Variants in EGFR observed in about 807,000 individuals in gnomAD.
EGFR encodes epidermal growth factor receptor, also known as avian erythroblastic leukemia viral (v-erb-b) oncogene homolog.
In EGFR, 58 loss-of-function variants were observed where a neutral mutation model predicts 143.0. The ratio of observed to expected loss-of-function variants is 0.41; its 90% CI spans 0.33 to 0.50. The LOEUF (loss-of-function observed/expected upper bound fraction) is 0.50. EGFR is among the 20% of genes least tolerant of loss of function. EGFR has a pLI of 0.39. For synonymous variants in EGFR, 613 were observed against 594.4 expected (o/e 1.03, Z -0.45); for missense variants, 1,307 against 1,579.0 (o/e 0.83, Z 2.92).
At chr7:55,064,597 C>T (rs144419643) in intron 1 of EGFR, among the ~76,000 whole-genome samples, 156 of 152,276 alleles carry the variant, frequency 1.0e-3, no homozygotes, top group African/African-American at 3.4e-3. Flanking sequence ...TCAGTCAGTG[C>T]GCATTTACTC....
In EGFR at chr7:55,157,447, G is replaced by C. The variant is rs13222549; in HGVS notation, c.1208-216G>C. 0.31 allele frequency among the ~76,000 whole-genome samples: 46,545 copies of C among 152,236 alleles called. 7,474 individuals are homozygous for C. Among genetic ancestry groups the C allele is most frequent in the Non-Finnish European group, 0.36 (24,579 of 68,002 alleles). Reference sequence around the variant, plus strand: ...GGGGCGGCGGGAGACATGCGGAATCGCAGCGGAAGGCGGGAGGCAGCTGTG... The same window carrying C: ...GGGGCGGCGGGAGACATGCGGAATCCCAGCGGAAGGCGGGAGGCAGCTGTG... On this transcript the variant is annotated intron_variant, in intron 10 of 27. Coordinates refer to ENST00000275493, the MANE Select transcript of EGFR (RefSeq NM_005228.5).
chr7:55,156,907 T>C (rs1785450011), intron 10 of EGFR, 75 bp downstream of exon 10: 2 of 1,604,896 alleles, frequency 1.2e-6, no homozygotes, highest in East Asian at 2.2e-5. Flanking sequence ...ACATATTTCC[T>C]GTTCCCTTGG....
Position 55,019,089 on chromosome 7 carries a change from G to C in EGFR, c.-189G>C. On this transcript the variant is annotated 5_prime_UTR_variant, in exon 1 of 28. Transcript: ENST00000275493. Reference sequence around the variant, plus strand: ...CCCCCGCACGGTGTGAGCGCCCGACGCGGCCGAGGCGGCCGGAGTCCCGAG... The same window carrying C: ...CCCCCGCACGGTGTGAGCGCCCGACCCGGCCGAGGCGGCCGGAGTCCCGAG... The C allele has an allele frequency of 6.4e-6, 2 of 312,894 alleles. No individual in the cohort carries two copies. The highest frequency in any genetic ancestry group is 1.1e-5 in the Non-Finnish European group (2 of 176,822). 19.4% of individuals were successfully genotyped at this position (312,894 alleles called of 1,614,324 possible).
intron 1 of EGFR, among the ~76,000 whole-genome samples, chr7:55,038,330 T>C (rs185538277): frequency 3.0e-4 from 46 of 152,248 alleles, no homozygotes; most frequent in East Asian, 2.1e-3. Flanking sequence ...GAGGAAACTT[T>C]GGAGGAGTCT....
At chr7:55,065,157 C>A (rs2128880864) in intron 1 of EGFR, among the ~76,000 whole-genome samples, 1 of 152,298 alleles carries the variant, frequency 6.6e-6, no homozygotes, top group Admixed American at 6.5e-5. Flanking sequence ...GATGAAGATT[C>A]CTCCCCACTT....
intron 1 of EGFR, among the ~76,000 whole-genome samples, chr7:55,087,897 GGAAGT>G (rs1790861276): frequency 6.6e-6 from 1 of 152,190 alleles, no homozygotes; most frequent in African/African-American, 2.4e-5. Context: ...GCCACAGAAA[GGAAGT>G]GACATGAGTC....
At chr7:55,086,343 A>G (rs1359560917) in intron 1 of EGFR, among the ~76,000 whole-genome samples, 2 of 147,290 alleles carry the variant, frequency 1.4e-5, no homozygotes, top group African/African-American at 5.2e-5. Flanking sequence ...CAGAAAAGTG[A>G]GGTTATTTTG....
At chr7:55,109,734 G>A (rs1792351556) in intron 1 of EGFR, 10 of 985,210 alleles carry the variant, frequency 1.0e-5, no homozygotes, top group Admixed American at 6.2e-5. Flanking sequence ...TCATTCCTTT[G>A]GGCCTAGGAT....
At chr7:55,026,389 T>C (rs557809951) in intron 1 of EGFR, among the ~76,000 whole-genome samples, 20 of 152,320 alleles carry the variant, frequency 1.3e-4, no homozygotes, top group Non-Finnish European at 2.4e-4. Flanking sequence ...TCCTCCTTTT[T>C]ATAACTATAG....
intron 1 of EGFR, among the ~76,000 whole-genome samples, chr7:55,023,930 T>C (rs1399718115): frequency 6.6e-6 from 1 of 152,188 alleles, no homozygotes; most frequent in Non-Finnish European, 1.5e-5. Flanking sequence ...AGCAGTTGGC[T>C]CTTTGGACGA....
chr7:55,019,190 C>A lies in EGFR; in HGVS notation c.-88C>A. On this transcript the variant is annotated 5_prime_UTR_variant, in exon 1 of 28. Coordinates refer to ENST00000275493, the MANE Select transcript of EGFR (RefSeq NM_005228.5). ...GGCGTCCGCCCGAGTCCCCGCCTCGCCGCCAACGCCACAACCACCGCGCAC... is the reference window on the plus strand; with the variant it reads ...GGCGTCCGCCCGAGTCCCCGCCTCGACGCCAACGCCACAACCACCGCGCAC... 8.7e-7 allele frequency: 1 copy of A among 1,151,294 alleles called. No individual in the cohort carries two copies. Among genetic ancestry groups the A allele is most frequent in the Non-Finnish European group, 1.2e-6 (1 of 840,952 alleles). The allele number at this position is 1,151,294 out of a possible 1,614,324, so 71.3% of individuals were successfully genotyped here.
rs151133222 is a variant in EGFR, at chr7:55,030,452, AC to A, written c.88+11088del. Among the ~76,000 whole-genome samples, 17 of 152,352 alleles carry A rather than the reference AC, an allele frequency of 1.1e-4. No homozygotes were observed. The East Asian group carries it at 2.5e-3, about 22-fold the overall frequency. On this transcript the variant is annotated intron_variant, in intron 1 of 27. Coordinates refer to ENST00000275493, the MANE Select transcript of EGFR (RefSeq NM_005228.5). The stretch of plus-strand genomic sequence containing the variant: ...GTTATAACTGCCCATTCCATAAGAT[AC>A]AGGGCAGTGAATTTGTGAGCCTTGA...
rs557025153 is a variant in EGFR at position 55,029,542 on chromosome 7, T to C, written c.88+10177T>C. Among the ~76,000 whole-genome samples, 4 of 152,300 alleles carry C rather than the reference T, an allele frequency of 2.6e-5. No individual in the cohort carries two copies. In the South Asian group the frequency reaches 8.3e-4, roughly 32 times the overall value. Reference sequence around the variant, plus strand: ...CTGGAAATGAAACTTTGCAAAGGACTGCAGATGAAAAACTTTGTCAAATGA... The same window carrying C: ...CTGGAAATGAAACTTTGCAAAGGACCGCAGATGAAAAACTTTGTCAAATGA... On this transcript the variant is annotated intron_variant, in intron 1 of 27. Coordinates refer to ENST00000275493, the MANE Select transcript of EGFR (RefSeq NM_005228.5).
At chr7:55,019,771 C>T (rs1786421595) in intron 1 of EGFR, among the ~76,000 whole-genome samples, 1 of 152,182 alleles carries the variant, frequency 6.6e-6, no homozygotes, top group South Asian at 2.1e-4. Context: ...CGCTGTCTTC[C>T]CAGGGCGCGA....
At chr7:55,091,279 T>C (rs963575222) in intron 1 of EGFR, among the ~76,000 whole-genome samples, 1 of 152,230 alleles carries the variant, frequency 6.6e-6, no homozygotes, top group Non-Finnish European at 1.5e-5. Context: ...TGAAATATGA[T>C]AAATAAGTCA....
At chr7:55,202,219 C>T (rs1352057708) in intron 26 of EGFR, among the ~76,000 whole-genome samples, 2 of 152,238 alleles carry the variant, frequency 1.3e-5, no homozygotes, top group Non-Finnish European at 2.9e-5. Flanking sequence ...TTCAGTTTCT[C>T]ACACATGTGA....
At chr7:55,097,527 C>T (rs1328683784) in intron 1 of EGFR, among the ~76,000 whole-genome samples, 2 of 152,340 alleles carry the variant, frequency 1.3e-5, no homozygotes, top group African/African-American at 4.8e-5. Flanking sequence ...TTCCAAGGCC[C>T]TGGGAGTCCT....
At chr7:55,162,511 A>G (rs375689548) in intron 13 of EGFR, among the ~76,000 whole-genome samples, 2 of 152,268 alleles carry the variant, frequency 1.3e-5, no homozygotes, top group African/African-American at 4.8e-5. Flanking sequence ...TCAAGTAAGG[A>G]ATATTGATGC....
Position 55,171,226 on chromosome 7 carries a change from A to AGCTCT in EGFR, c.1919+15_1919+19dup. The AGCTCT allele has an allele frequency of 6.2e-7, 1 of 1,614,226 alleles. No homozygotes were observed. Among genetic ancestry groups the AGCTCT allele is most frequent in the Non-Finnish European group, 8.5e-7 (1 of 1,180,042 alleles). Reference sequence around the variant, plus strand: ...GTCCAACGAATGGGTAAGTGTTCACAGCTCTGTGTCACATGGACCTCGTCA... The same window carrying AGCTCT: ...GTCCAACGAATGGGTAAGTGTTCACAGCTCTGCTCTGTGTCACATGGACCTCGTCA... On this transcript the variant is annotated intron_variant, in intron 16 of 27. Coordinates refer to ENST00000275493, the MANE Select transcript of EGFR (RefSeq NM_005228.5).
Sources: gnomAD v4.1 joint callset for allele counts (sites outside exome capture counted in the v4.1 genomes callset) on GRCh38, gnomAD v4.1.1 for gene constraint, MANE v1.5 for transcripts, NCBI Gene and HGNC (gene_info 2026-07-23, HGNC 2026-07-21) for gene names.